The following CRIM1 variants were observed in gnomAD, a reference collection of about 807,000 sequenced individuals.
CRIM1 encodes cysteine-rich motor neuron 1 protein.
Under a neutral mutation model 116.4 loss-of-function variants are expected in CRIM1, and 32 were observed. The observed-to-expected ratio is 0.27, with a 90% CI of 0.21 to 0.37. The LOEUF (loss-of-function observed/expected upper bound fraction) is 0.37, where lower values mean the gene tolerates loss of function less well. CRIM1 is among the 10% of genes least tolerant of loss of function. The pLI is 1.00. For missense variants in CRIM1, 1,331 were observed against 1,354.8 expected, an observed-to-expected ratio of 0.98 and a Z score of 0.28; for synonymous variants, 590 against 509.2, an observed-to-expected ratio of 1.16 and a Z score of -2.13.
chr2:36,513,917 A>G, intron 11 of CRIM1, 152 bp downstream of exon 11: 1 of 650,144 alleles, frequency 1.5e-6, no homozygotes, highest in Non-Finnish European at 2.7e-6. Context: ...CCACCACAGA[A>G]TCATCCAGGC....
At chr2:36,519,928 G>GA (rs1665269269) in intron 12 of CRIM1, among the ~76,000 whole-genome samples, 1 of 105,248 alleles carries the variant, frequency 9.5e-6, no homozygotes, top group East Asian at 3.2e-4. Context: ...GTAGAAAATA[G>GA]AAAAAAGGAA....
intron 13 of CRIM1, chr2:36,531,892 G>T (rs544460136): frequency 5.3e-5 from 25 of 470,714 alleles, no homozygotes; most frequent in African/African-American, 4.8e-4. Flanking sequence ...GAAGATGTTT[G>T]TCTGAGCATC....
At chr2:36,432,198 G>A (rs576321272) in intron 2 of CRIM1, among the ~76,000 whole-genome samples, 5 of 152,186 alleles carry the variant, frequency 3.3e-5, no homozygotes, top group African/African-American at 1.2e-4. Flanking sequence ...AAATGTGTTC[G>A]GTGGGGGAGG....
intron 4 of CRIM1, among the ~76,000 whole-genome samples, chr2:36,460,666 A>G (rs187427911): frequency 5.4e-4 from 82 of 152,228 alleles, no homozygotes; most frequent in Non-Finnish European, 9.1e-4. Flanking sequence ...TGCTCTCCTC[A>G]CTTTCTTTTG....
intron 2 of CRIM1, among the ~76,000 whole-genome samples, chr2:36,440,027 T>C (rs1444267848): frequency 1.3e-5 from 2 of 152,028 alleles, no homozygotes; most frequent in Admixed American, 1.3e-4. Context: ...AAGAAATAGA[T>C]AAGGAAGAGG....
chr2:36,432,293 C>T (rs1346303948), intron 2 of CRIM1, among the ~76,000 whole-genome samples: 1 of 151,978 alleles, frequency 6.6e-6, no homozygotes, highest in South Asian at 2.1e-4. Flanking sequence ...TCTAAACCAT[C>T]CTTAGGCCTT....
intron 7 of CRIM1, among the ~76,000 whole-genome samples, 158 bp from the exon 8 acceptor site, chr2:36,499,061 A>T (rs1255707670): frequency 6.6e-6 from 1 of 152,254 alleles, no homozygotes; most frequent in Non-Finnish European, 1.5e-5. Context: ...TATCTGTTTC[A>T]GGGGTTAAAG....
chr2:36,417,730 G>A (rs913411625), intron 2 of CRIM1, among the ~76,000 whole-genome samples: 4 of 152,268 alleles, frequency 2.6e-5, no homozygotes, highest in African/African-American at 4.8e-5. Context: ...GGTACGGCCC[G>A]AACTCAAGAG....
intron 12 of CRIM1, 94 bp from the exon 13 acceptor site, chr2:36,521,998 G>A: frequency 5.1e-6 from 5 of 983,454 alleles, no homozygotes; most frequent in South Asian, 2.8e-5. Flanking sequence ...GGCACCGAAA[G>A]CCATCATGAC....
chr2:36,418,199 A>G (rs1393034279), intron 2 of CRIM1, among the ~76,000 whole-genome samples: 25 of 152,262 alleles, frequency 1.6e-4, no homozygotes. Context: ...AAATAGAGCC[A>G]GCAGAGAGGG....
chr2:36,397,996 G>T (rs952213026), intron 2 of CRIM1, among the ~76,000 whole-genome samples: 2 of 152,012 alleles, frequency 1.3e-5, no homozygotes, highest in African/African-American at 2.4e-5. Context: ...AATGCCATGG[G>T]TTACCTAACT....
At chr2:36,511,364 G>A (rs1320390125) in intron 9 of CRIM1, among the ~76,000 whole-genome samples, 1 of 152,048 alleles carries the variant, frequency 6.6e-6, no homozygotes, top group East Asian at 1.9e-4. Context: ...ATTTTCATTG[G>A]ATAATTAAAT....
rs573154544 is a variant in CRIM1 at position 36,517,607 on chromosome 2, T to C, written c.2206+65T>C. On this transcript the variant is annotated intron_variant, in intron 12 of 16. Transcript: ENST00000280527. ...GATGCAGCTCTGGGTGTTGTCATTC[T>C]GTGGGACCCACAGGGCAGGATCAGC... 122 of 1,516,890 alleles carry C rather than the reference T, an allele frequency of 8.0e-5. No homozygotes were observed. In the South Asian group the frequency reaches 1.4e-3, roughly 17 times the overall value. The allele number at this position is 1,516,890 out of a possible 1,614,324, so 94.0% of individuals were successfully genotyped here.
chr2:36,368,303 C>G (rs1377581355), intron 1 of CRIM1, among the ~76,000 whole-genome samples: 1 of 152,196 alleles, frequency 6.6e-6, no homozygotes, highest in African/African-American at 2.4e-5. Flanking sequence ...CCTCTGTGTA[C>G]AGCTGAGCCA....
chr2:36,444,379 T>C (rs192967628), intron 4 of CRIM1, among the ~76,000 whole-genome samples: 1 of 151,914 alleles, frequency 6.6e-6, no homozygotes, highest in Non-Finnish European at 1.5e-5. Flanking sequence ...ACAGAGCTCC[T>C]TGGAGCTGGA....
intron 1 of CRIM1, among the ~76,000 whole-genome samples, chr2:36,386,818 G>T (rs1270560162): frequency 6.6e-6 from 1 of 152,194 alleles, no homozygotes; most frequent in East Asian, 1.9e-4. Flanking sequence ...AGTCCCTATA[G>T]AGTGGGGAAA....
chr2:36,383,391 C>A (rs1218470688), intron 1 of CRIM1, among the ~76,000 whole-genome samples: 1 of 152,196 alleles, frequency 6.6e-6, no homozygotes, highest in African/African-American at 2.4e-5. Flanking sequence ...CTTTGCATCT[C>A]AATCATTCCC....
chr2:36,364,063 C>T lies in CRIM1; in HGVS notation c.331+7440C>T, dbSNP rs550503166. Among the ~76,000 whole-genome samples, 20 of 152,196 alleles carry T rather than the reference C, an allele frequency of 1.3e-4. No homozygotes were observed. In the South Asian group the frequency reaches 4.2e-3, roughly 32 times the overall value. ...TGTGTAAGCCAGTTTTTCTGTTAGT[C>T]GTCGGTACCTCCTAGGTTCGCTGTG... On this transcript the variant is annotated intron_variant, in intron 1 of 16. Transcript: ENST00000280527.
intron 13 of CRIM1, among the ~76,000 whole-genome samples, chr2:36,522,766 C>T (rs1371672671): frequency 2.8e-5 from 4 of 143,742 alleles, no homozygotes; most frequent in South Asian, 2.3e-4. Flanking sequence ...TGTGCCACTG[C>T]ACTCCAGCCT....
Sources: gnomAD v4.1 joint callset for allele counts (sites outside exome capture counted in the v4.1 genomes callset) on GRCh38, gnomAD v4.1.1 for gene constraint, MANE v1.5 for transcripts, NCBI Gene and HGNC (gene_info 2026-07-23, HGNC 2026-07-21) for gene names.